PALS1: variants seen among roughly 807,000 people sequenced by gnomAD.
The protein encoded by PALS1 is protein associated with LIN7 1, MAGUK p55 family member.
In PALS1, 31 loss-of-function variants were observed where a neutral mutation model predicts 78.9. The ratio of observed to expected loss-of-function variants is 0.39; its 90% CI spans 0.30 to 0.53. The LOEUF is 0.53. Among genes scored for constraint, PALS1 ranks in the 20% least tolerant of loss-of-function variants. PALS1 has a pLI of 0.67. For missense variants in PALS1, 704 were observed against 826.5 expected, an observed-to-expected ratio of 0.85 and a Z score of 1.82; for synonymous variants, 276 against 270.9, an observed-to-expected ratio of 1.02 and a Z score of -0.18.
chr14:67,243,817 C>G (rs2083943150), intron 1 of PALS1, among the ~76,000 whole-genome samples: 1 of 152,152 alleles, frequency 6.6e-6, no homozygotes, highest in African/African-American at 2.4e-5. Context: ...TGATCATATA[C>G]TTACTGAATC....
intron 1 of PALS1, among the ~76,000 whole-genome samples, chr14:67,245,498 T>G (rs191565498): frequency 1.2e-4 from 19 of 152,220 alleles, no homozygotes. Flanking sequence ...TATTGCTGAA[T>G]TTATTATTAT....
At chr14:67,311,310 C>CAAA (rs1164347381) in intron 8 of PALS1, among the ~76,000 whole-genome samples, 6 of 63,856 alleles carry the variant, frequency 9.4e-5, no homozygotes, top group Admixed American at 1.6e-4. Flanking sequence ...GACTCCGTCT[C>CAAA]AAAAAAAAAA....
At chr14:67,290,457 C>T (rs2084755174) in intron 3 of PALS1, among the ~76,000 whole-genome samples, 1 of 152,150 alleles carries the variant, frequency 6.6e-6, no homozygotes, top group East Asian at 1.9e-4. Context: ...GGCTAGAGTG[C>T]AGTAGCGTGA....
chr14:67,257,319 A>T (rs1011874509), intron 1 of PALS1, among the ~76,000 whole-genome samples: 2 of 151,902 alleles, frequency 1.3e-5, no homozygotes, highest in African/African-American at 4.9e-5. Flanking sequence ...TCCTTTATCC[A>T]CAAGGAATTT....
chr14:67,266,983 C>A (rs2084338422), intron 1 of PALS1, among the ~76,000 whole-genome samples: 1 of 151,852 alleles, frequency 6.6e-6, no homozygotes, highest in Non-Finnish European at 1.5e-5. Context: ...GTGGCCCATT[C>A]CTGTACCCAC....
chr14:67,299,333 C>T (rs750132326), intron 4 of PALS1, among the ~76,000 whole-genome samples: 3 of 148,428 alleles, frequency 2.0e-5, no homozygotes, highest in Admixed American at 6.8e-5. Context: ...AAACAAGTAG[C>T]GAAATGTAGG....
intron 3 of PALS1, among the ~76,000 whole-genome samples, chr14:67,289,688 A>G (rs940029186): frequency 2.0e-5 from 3 of 152,090 alleles, no homozygotes; most frequent in Non-Finnish European, 2.9e-5. Flanking sequence ...TACAAGATAA[A>G]TAAGAGTCAG....
At chr14:67,325,412 C>T in intron 14 of PALS1, among the ~76,000 whole-genome samples, 1 of 152,242 alleles carries the variant, frequency 6.6e-6, no homozygotes, top group Non-Finnish European at 1.5e-5. Context: ...TAAAGTAGTG[C>T]TGCACCCCTT....
At chr14:67,301,497 G>T (rs775517015) in intron 5 of PALS1, 31 bp downstream of exon 5, 2 of 1,492,480 alleles carry the variant, frequency 1.3e-6, no homozygotes, top group Non-Finnish European at 1.8e-6. Flanking sequence ...TATATATGTG[G>T]TTTTTCCAGC....
At chr14:67,254,646 A>G (rs114179794) in intron 1 of PALS1, among the ~76,000 whole-genome samples, 2,663 of 152,268 alleles carry the variant, frequency 0.017, 38 homozygotes, top group African/African-American at 0.037. Context: ...ATAGCACCAG[A>G]TATGAGTCCT....
chr14:67,265,855 T>TC (rs1296477879), intron 1 of PALS1, among the ~76,000 whole-genome samples: 1 of 132,168 alleles, frequency 7.6e-6, no homozygotes, highest in African/African-American at 2.8e-5. Context: ...AGACTCCATC[T>TC]CAAAAAAAAA....
chr14:67,296,037 G>C (rs1325151776), intron 4 of PALS1, among the ~76,000 whole-genome samples: 1 of 152,170 alleles, frequency 6.6e-6, no homozygotes, highest in Non-Finnish European at 1.5e-5. Flanking sequence ...GAAGTGCTAT[G>C]ATGGCAATAT....
At chr14:67,242,534 A>C (rs1417734716) in intron 1 of PALS1, among the ~76,000 whole-genome samples, 1 of 152,210 alleles carries the variant, frequency 6.6e-6, no homozygotes, top group Non-Finnish European at 1.5e-5. Flanking sequence ...TAAATTATGC[A>C]ATAGGAACAA....
At chr14:67,276,720 C>T (rs904459437) in intron 2 of PALS1, among the ~76,000 whole-genome samples, 3 of 152,088 alleles carry the variant, frequency 2.0e-5, no homozygotes, top group Non-Finnish European at 4.4e-5. Flanking sequence ...AAATTTAAAG[C>T]AGATTACTAC....
chr14:67,312,975 C>T (rs1353603271), intron 9 of PALS1, among the ~76,000 whole-genome samples: 1 of 151,948 alleles, frequency 6.6e-6, no homozygotes, highest in African/African-American at 2.4e-5. Context: ...TTAAGATGAC[C>T]GTATTATCGA....
intron 1 of PALS1, among the ~76,000 whole-genome samples, chr14:67,253,568 GGC>G (rs1160911919): frequency 6.6e-6 from 1 of 152,196 alleles, no homozygotes; most frequent in Admixed American, 6.5e-5. Context: ...AGTTAGGCCA[GGC>G]GCAGCAGCTT....
intron 13 of PALS1, among the ~76,000 whole-genome samples, chr14:67,322,201 AGC>A (rs1460851965): frequency 6.6e-6 from 1 of 152,098 alleles, no homozygotes; most frequent in Non-Finnish European, 1.5e-5. Flanking sequence ...AAAAAAAATT[AGC>A]CAGGTGTGGT....
intron 3 of PALS1, among the ~76,000 whole-genome samples, chr14:67,289,357 G>A (rs891078694): frequency 6.6e-6 from 1 of 152,020 alleles, no homozygotes; most frequent in African/African-American, 2.4e-5. Context: ...TATTTACATT[G>A]TATTAAGTAT....
chr14:67,264,136 G>A (rs1038436240), intron 1 of PALS1, among the ~76,000 whole-genome samples: 7 of 152,152 alleles, frequency 4.6e-5, no homozygotes, highest in Non-Finnish European at 1.0e-4. Context: ...GCAACCATAT[G>A]TACAAGAGTA....
Sources: gnomAD v4.1 joint callset for allele counts (sites outside exome capture counted in the v4.1 genomes callset) on GRCh38, gnomAD v4.1.1 for gene constraint, MANE v1.5 for transcripts, NCBI Gene and HGNC (gene_info 2026-07-23, HGNC 2026-07-21) for gene names.